GNG4: variants seen among roughly 807,000 people sequenced by gnomAD.
The protein encoded by GNG4 is G protein subunit gamma 4, also known as guanine nucleotide-binding protein G(I)/G(S)/G(O) subunit gamma-4.
GNG4 carries 4 observed loss-of-function variants against 5.8 expected under a neutral mutation model. That is an observed-to-expected ratio of 0.69 (90% confidence interval 0.34 to 1.57). The LOEUF is 1.57. Ranked by LOEUF, GNG4 falls within the 40% of genes most tolerant of loss-of-function variation. GNG4 has a pLI of 0.06. For missense variants in GNG4, 96 were observed against 95.1 expected (o/e 1.01, Z -0.04); for synonymous variants, 29 against 32.9 (o/e 0.88, Z 0.41).
chr1:235,630,236 A>G (rs1418626867), intron 1 of GNG4, among the ~76,000 whole-genome samples: 1 of 152,122 alleles, frequency 6.6e-6, no homozygotes, highest in Non-Finnish European at 1.5e-5. Context: ...CACACTCACA[A>G]AAGAGGCTGG....
At chr1:235,559,894 G>A (rs751030972) in intron 3 of GNG4, among the ~76,000 whole-genome samples, 3 of 152,162 alleles carry the variant, frequency 2.0e-5, no homozygotes, top group Non-Finnish European at 2.9e-5. Flanking sequence ...ATTAACTTAA[G>A]TAAGAGTTGT....
intron 2 of GNG4, among the ~76,000 whole-genome samples, chr1:235,589,718 GCT>G (rs1687915265): frequency 6.6e-6 from 1 of 152,192 alleles, no homozygotes; most frequent in South Asian, 2.1e-4. Flanking sequence ...AGGGGAGAAA[GCT>G]CTGTCTTTGG....
intron 1 of GNG4, among the ~76,000 whole-genome samples, chr1:235,609,609 A>G (rs980756964): frequency 2.6e-5 from 4 of 152,208 alleles, no homozygotes; most frequent in Admixed American, 2.6e-4. Flanking sequence ...GGTTGCAAGT[A>G]TAGCATAAAG....
At chr1:235,568,216 C>T (rs755543977) in intron 3 of GNG4, among the ~76,000 whole-genome samples, 42 of 151,910 alleles carry the variant, frequency 2.8e-4, no homozygotes, top group Non-Finnish European at 4.9e-4. Context: ...ATGATCCCCG[C>T]TCTAGTCATC....
At chr1:235,599,232 C>T (rs1688194703) in intron 1 of GNG4, among the ~76,000 whole-genome samples, 1 of 152,060 alleles carries the variant, frequency 6.6e-6, no homozygotes, top group Admixed American at 6.5e-5. Flanking sequence ...CCCTGGAGCT[C>T]GTTAGCAATG....
chr1:235,611,246 C>T (rs947162445), intron 1 of GNG4, among the ~76,000 whole-genome samples: 1 of 151,706 alleles, frequency 6.6e-6, no homozygotes, highest in Non-Finnish European at 1.5e-5. Flanking sequence ...TGGCTCACTG[C>T]AGCCTCAACT....
intron 3 of GNG4, among the ~76,000 whole-genome samples, chr1:235,562,647 GA>G (rs1286012762): frequency 5.1e-4 from 11 of 21,686 alleles, no homozygotes; most frequent in Admixed American, 2.1e-3. Context: ...TCTGTCTCAA[GA>G]AAAAAAAAAA....
intron 1 of GNG4, among the ~76,000 whole-genome samples, chr1:235,603,229 G>C (rs1326082815): frequency 6.6e-6 from 1 of 150,660 alleles, no homozygotes; most frequent in Non-Finnish European, 1.5e-5. Context: ...GGACAACAGA[G>C]CAAGACTCTA....
intron 1 of GNG4, among the ~76,000 whole-genome samples, chr1:235,622,250 G>A (rs945166596): frequency 6.6e-6 from 1 of 152,052 alleles, no homozygotes; most frequent in Non-Finnish European, 1.5e-5. Flanking sequence ...GTTAGATTAG[G>A]TGAGGTTAGA....
intron 3 of GNG4, 49 bp downstream of exon 3, chr1:235,583,691 T>C: frequency 8.1e-7 from 1 of 1,240,596 alleles, no homozygotes; most frequent in Non-Finnish European, 1.2e-6. Flanking sequence ...GGAGGAATGT[T>C]TTGAGCTGAG....
intron 3 of GNG4, among the ~76,000 whole-genome samples, chr1:235,576,671 G>T (rs180856594): frequency 6.6e-6 from 1 of 152,152 alleles, no homozygotes; most frequent in Non-Finnish European, 1.5e-5. Flanking sequence ...GCTTTGATGT[G>T]CTTCTAGGCA....
chr1:235,635,828 A>C (rs1042850236), intron 1 of GNG4, among the ~76,000 whole-genome samples: 3 of 152,222 alleles, frequency 2.0e-5, no homozygotes, highest in Admixed American at 6.5e-5. Flanking sequence ...GCATACTTGC[A>C]AATTAATCAG....
At chr1:235,553,467 A>G (rs1051681877) in intron 3 of GNG4, among the ~76,000 whole-genome samples, 15 of 152,194 alleles carry the variant, frequency 9.9e-5, no homozygotes, top group African/African-American at 3.6e-4. Flanking sequence ...GAATGATAAA[A>G]ATGTTCCACA....
intron 3 of GNG4, among the ~76,000 whole-genome samples, chr1:235,568,655 T>C (rs1208267312): frequency 2.6e-5 from 4 of 152,156 alleles, no homozygotes; most frequent in Admixed American, 2.0e-4. Flanking sequence ...TCTTCAGAAC[T>C]GTGGGGAAGT....
intron 2 of GNG4, among the ~76,000 whole-genome samples, chr1:235,587,220 GGTGA>G (rs1161943561): frequency 2.4e-5 from 2 of 83,740 alleles, no homozygotes; most frequent in Non-Finnish European, 4.2e-5. Context: ...TGAGGGTGTG[GGTGA>G]GTGTGAGTGT....
chr1:235,602,303 T>G (rs1194329820), intron 1 of GNG4, among the ~76,000 whole-genome samples: 1 of 151,826 alleles, frequency 6.6e-6, no homozygotes, highest in Non-Finnish European at 1.5e-5. Context: ...GCTCTGGGCG[T>G]GGGAAAGTGC....
intron 2 of GNG4, among the ~76,000 whole-genome samples, chr1:235,586,883 A>G (rs1227505396): frequency 1.3e-5 from 2 of 152,196 alleles, no homozygotes; most frequent in Non-Finnish European, 1.5e-5. Flanking sequence ...GTATTCCTTT[A>G]CAGCAACACA....
chr1:235,605,803 C>A lies in GNG4; in HGVS notation c.-122-10292G>T, dbSNP rs553631417. The stretch of plus-strand genomic sequence containing the variant: ...CTGGGTGGTCCCTTATTCCTGAAGC[C>A]CAGGAGGTCAGGGAGCAGACCAGGA... On this transcript the variant is annotated intron_variant, in intron 1 of 3. Coordinates refer to ENST00000391854, the MANE Select transcript of GNG4 (RefSeq NM_001098722.2). Among the ~76,000 whole-genome samples, 4 of 152,042 alleles carry A rather than the reference C, an allele frequency of 2.6e-5. No individual in the cohort carries two copies. In the South Asian group the frequency reaches 8.3e-4, roughly 32 times the overall value.
At chr1:235,610,894 G>C (rs2102968717) in intron 1 of GNG4, among the ~76,000 whole-genome samples, 1 of 152,238 alleles carries the variant, frequency 6.6e-6, no homozygotes, top group Non-Finnish European at 1.5e-5. Flanking sequence ...AGACCAGCCT[G>C]GCTAACATGG....
Sources: gnomAD v4.1 joint callset for allele counts (sites outside exome capture counted in the v4.1 genomes callset) on GRCh38, gnomAD v4.1.1 for gene constraint, MANE v1.5 for transcripts, NCBI Gene and HGNC (gene_info 2026-07-23, HGNC 2026-07-21) for gene names.